Variants in PRICKLE1 observed in about 807,000 individuals in gnomAD.
The protein encoded by PRICKLE1 is prickle-like protein 1.
Under a neutral mutation model 70.2 loss-of-function variants are expected in PRICKLE1, and 14 were observed. The ratio of observed to expected loss-of-function variants is 0.20; its 90% confidence interval spans 0.13 to 0.31. The LOEUF is 0.31. Ranked by LOEUF, PRICKLE1 falls within the 10% of genes least tolerant of loss-of-function variation. PRICKLE1 has a pLI of 1.00. For synonymous variants in PRICKLE1, 357 were observed against 379.9 expected, an observed-to-expected ratio of 0.94 and a Z score of 0.70; for missense variants, 821 against 1,026.2, an observed-to-expected ratio of 0.80 and a Z score of 2.73.
chr12:42,504,208 T>C (rs1939365101), intron 1 of PRICKLE1, among the ~76,000 whole-genome samples: 1 of 152,042 alleles, frequency 6.6e-6, no homozygotes, highest in Non-Finnish European at 1.5e-5. Flanking sequence ...TTTCTGAAAA[T>C]AGAGGCCAGA....
chr12:42,587,840 A>G (rs577449962), intron 1 of PRICKLE1, among the ~76,000 whole-genome samples: 1 of 152,374 alleles, frequency 6.6e-6, no homozygotes, highest in East Asian at 1.9e-4. Flanking sequence ...AGCCTTGACA[A>G]ATACTGCGTC....
chr12:42,505,429 G>GT (rs1426359084), intron 1 of PRICKLE1, among the ~76,000 whole-genome samples: 5 of 152,020 alleles, frequency 3.3e-5, no homozygotes, highest in South Asian at 2.1e-4. Context: ...GGTTGCCTTT[G>GT]TTTTTTTGTT....
intron 1 of PRICKLE1, among the ~76,000 whole-genome samples, chr12:42,549,033 C>T (rs572508743): frequency 6.3e-4 from 93 of 147,660 alleles, no homozygotes; most frequent in South Asian, 5.2e-3. Flanking sequence ...GCAGGAGAAT[C>T]GCTTGAACCT....
intron 1 of PRICKLE1, among the ~76,000 whole-genome samples, chr12:42,562,640 C>A (rs879910537): frequency 6.6e-6 from 1 of 151,932 alleles, no homozygotes; most frequent in African/African-American, 2.4e-5. Context: ...CAAGGAAGAA[C>A]CAAAGCAAGG....
chr12:42,560,149 A>ATTATTT (rs996034622), intron 1 of PRICKLE1, among the ~76,000 whole-genome samples: 4 of 130,486 alleles, frequency 3.1e-5, no homozygotes, highest in South Asian at 4.8e-4. Context: ...TATTATTATT[A>ATTATTT]TTTTTGAGGC....
chr12:42,516,924 C>T (rs1236901057), intron 1 of PRICKLE1, among the ~76,000 whole-genome samples: 5 of 152,186 alleles, frequency 3.3e-5, no homozygotes, highest in Admixed American at 3.3e-4. Context: ...ATGTGGCAGC[C>T]AAGTTGAGGT....
intron 1 of PRICKLE1, among the ~76,000 whole-genome samples, chr12:42,496,011 G>A (rs530077492): frequency 6.6e-6 from 1 of 152,350 alleles, no homozygotes; most frequent in East Asian, 1.9e-4. Context: ...ATCTGGAGTG[G>A]TAAGTCCTTT....
chr12:42,499,127 T>A (rs1185627570), intron 1 of PRICKLE1, among the ~76,000 whole-genome samples: 3 of 152,122 alleles, frequency 2.0e-5, no homozygotes, highest in Non-Finnish European at 4.4e-5. Context: ...ACTTATGGAG[T>A]ACTCATATGC....
At chr12:42,568,516 A>C (rs1940658142) in intron 1 of PRICKLE1, among the ~76,000 whole-genome samples, 1 of 152,230 alleles carries the variant, frequency 6.6e-6, no homozygotes, top group Non-Finnish European at 1.5e-5. Flanking sequence ...TGTAAATACT[A>C]ACTGAGCAAC....
Position 42,459,136 on chromosome 12 carries a change from G to A in PRICKLE1, c.*673C>T. 1.8e-6 allele frequency: 1 copy of A among 544,992 alleles called. No individual in the cohort carries two copies. The highest frequency in any genetic ancestry group is 2.9e-5 in the Admixed American group (1 of 34,366). 33.8% of individuals were successfully genotyped at this position (544,992 alleles called of 1,614,324 possible). A position where few individuals can be genotyped will look rare whatever the true frequency, so the allele number is the denominator to read the frequency against. On this transcript the variant is annotated 3_prime_UTR_variant, in exon 8 of 8. Transcript: ENST00000345127. ...CGTAACAAACGGCTTACAATTCAGG[G>A]ATATAAAAATATCAGCTTTAAAATC...
Position 42,457,986 on chromosome 12 carries a change from C to T in PRICKLE1, c.*1823G>A, listed in dbSNP as rs1320288406. The T allele has an allele frequency of 6.6e-6, 1 of 152,304 alleles. No individual in the cohort carries two copies. The highest frequency in any genetic ancestry group is 2.1e-4 in the South Asian group (1 of 4,828). The allele number at this position is 152,304 out of a possible 1,614,324, so 9.4% of individuals were successfully genotyped here. ...CATTGCTGATGGTTTTTTAAAGGCACCAGACCAGGGAATGTAAGTTACTGA... is the reference window on the plus strand; with the variant it reads ...CATTGCTGATGGTTTTTTAAAGGCATCAGACCAGGGAATGTAAGTTACTGA... On this transcript the variant is annotated 3_prime_UTR_variant, in exon 8 of 8. Transcript: ENST00000345127.
chr12:42,560,263 G>A (rs1940488461), intron 1 of PRICKLE1, among the ~76,000 whole-genome samples: 1 of 151,926 alleles, frequency 6.6e-6, no homozygotes, highest in South Asian at 2.1e-4. Flanking sequence ...TCAGCCTCCT[G>A]AGTAGCTGAG....
chr12:42,583,148 CGTGTGTGT>C (rs68143024), intron 1 of PRICKLE1, among the ~76,000 whole-genome samples: 3 of 148,230 alleles, frequency 2.0e-5, no homozygotes, highest in Non-Finnish European at 3.0e-5. Flanking sequence ...TAGATTGAAA[CGTGTGTGT>C]GTGTGTGTGT....
At chr12:42,467,873 TAAG>T (rs1211817414) in intron 5 of PRICKLE1, among the ~76,000 whole-genome samples, 2 of 152,182 alleles carry the variant, frequency 1.3e-5, no homozygotes, top group African/African-American at 2.4e-5. Context: ...TGAAGGAGAC[TAAG>T]AAGATACAAC....
At chr12:42,547,823 T>A (rs892251275) in intron 1 of PRICKLE1, among the ~76,000 whole-genome samples, 1 of 152,212 alleles carries the variant, frequency 6.6e-6, no homozygotes, top group Non-Finnish European at 1.5e-5. Context: ...ACAGGTTAAG[T>A]ATCCTTTATC....
chr12:42,459,641 C>T lies in PRICKLE1; in HGVS notation c.*168G>A. 1 of 837,168 alleles carries T rather than the reference C, an allele frequency of 1.2e-6. No homozygotes were observed. Among genetic ancestry groups the T allele is most frequent in the Non-Finnish European group, 1.9e-6 (1 of 518,196 alleles). 51.9% of individuals were successfully genotyped at this position (837,168 alleles called of 1,614,324 possible). Reference sequence around the variant, plus strand: ...TCCAAAGAGGGTAAATTGGAGAAATCACACCTTTCAAATGTTAATCTGACA... The same window carrying T: ...TCCAAAGAGGGTAAATTGGAGAAATTACACCTTTCAAATGTTAATCTGACA... On this transcript the variant is annotated 3_prime_UTR_variant, in exon 8 of 8. Transcript: ENST00000345127.
chr12:42,465,772 C>T (rs1195200566), intron 6 of PRICKLE1: 1 of 301,410 alleles, frequency 3.3e-6, no homozygotes, highest in Non-Finnish European at 6.3e-6. Context: ...AGCTCCTAAT[C>T]TTGAGTACGG....
intron 1 of PRICKLE1, among the ~76,000 whole-genome samples, chr12:42,536,172 A>G (rs1321835782): frequency 3.3e-5 from 5 of 152,242 alleles, no homozygotes; most frequent in African/African-American, 1.2e-4. Context: ...CAGCATCTGT[A>G]GTAGTAGCAA....
intron 1 of PRICKLE1, among the ~76,000 whole-genome samples, chr12:42,563,842 A>G (rs933766938): frequency 4.6e-5 from 7 of 152,074 alleles, no homozygotes; most frequent in Admixed American, 2.0e-4. Context: ...AAAACAGGAC[A>G]TTTTTCGAGT....
Sources: gnomAD v4.1 joint callset for allele counts (sites outside exome capture counted in the v4.1 genomes callset) on GRCh38, gnomAD v4.1.1 for gene constraint, MANE v1.5 for transcripts, NCBI Gene and HGNC (gene_info 2026-07-23, HGNC 2026-07-21) for gene names.